The following NIBAN3 variants were observed in gnomAD, a reference collection of about 807,000 sequenced individuals.
The protein encoded by NIBAN3 is protein Niban 3.
A neutral mutation model predicts 76.4 loss-of-function variants in NIBAN3; 66 were observed. That is an observed-to-expected ratio of 0.86 (90% CI 0.71 to 1.06). NIBAN3 has a LOEUF of 1.06. Ranked by LOEUF, NIBAN3 falls within the 50% of genes least tolerant of loss-of-function variation. The probability of loss-of-function intolerance (pLI) is 0.00; values close to 1 mark genes in which losing one functional copy is unlikely to be tolerated. For missense variants in NIBAN3, 808 were observed against 810.7 expected (o/e 1.00, Z 0.04); for synonymous variants, 360 against 355.2 (o/e 1.01, Z -0.15).
downstream of NIBAN3, among the ~76,000 whole-genome samples, chr19:17,555,293 G>C (rs2144808759): frequency 1.3e-5 from 2 of 152,260 alleles, no homozygotes; most frequent in South Asian, 4.1e-4. Context: ...AGAGGAAACT[G>C]AGGCTAAGGT....
Position 17,546,732 on chromosome 19 carries a change from C to A in NIBAN3, c.1601C>A (p.Ala534Asp). 6.2e-7 allele frequency: 1 copy of A among 1,604,810 alleles called. No individual in the cohort carries two copies. ...GATGTCCTTGCCGTGGGCAGCCAGG[C>A]TCTGACCACTGAGGGCATCTATGAG... The part of the protein sequence containing the change: ...EGDVLAVGSQ[A>D]LTTEGIYEDV... Residue 534 changes from alanine (A) to aspartate (D), a missense_variant, in exon 13 of 15, where the codon GCT (alanine) becomes GAT (aspartate). By Grantham distance (126) the Ala-to-Asp change is moderately radical. Transcript: ENST00000599164.
intron 4 of NIBAN3, among the ~76,000 whole-genome samples, chr19:17,536,929 G>A (rs370129953): frequency 6.6e-6 from 1 of 152,082 alleles, no homozygotes; most frequent in South Asian, 2.1e-4. Flanking sequence ...TTGAGCTCAG[G>A]AGTTCAAGAC....
intron 4 of NIBAN3, 80 bp downstream of exon 4, chr19:17,533,781 T>TG: frequency 9.2e-7 from 1 of 1,086,974 alleles, no homozygotes; most frequent in South Asian, 1.3e-5. Flanking sequence ...TTCTCTGCGG[T>TG]GGGGGCGTCC....
upstream of NIBAN3, among the ~76,000 whole-genome samples, chr19:17,524,653 T>C (rs532115396): frequency 1.9e-4 from 29 of 152,330 alleles, no homozygotes; most frequent in African/African-American, 6.5e-4. Flanking sequence ...CATTCAGATA[T>C]TACTAGAGGC....
rs116966028 is a variant in NIBAN3 at position 17,550,640 on chromosome 19, C to T, written c.1750+1113C>T. Among the ~76,000 whole-genome samples, 1,252 of 152,122 alleles carry T rather than the reference C, an allele frequency of 8.2e-3. 8 individuals are homozygous for T. Among genetic ancestry groups the T allele is most frequent in the Non-Finnish European group, 0.013 (884 of 67,996 alleles). ...ATGATTGCACCACTGCCCTCTAGCCCGGGCCACAGAGAGAGACCCTGTCTC... is the reference window on the plus strand; with the variant it reads ...ATGATTGCACCACTGCCCTCTAGCCTGGGCCACAGAGAGAGACCCTGTCTC... On this transcript the variant is annotated intron_variant, in intron 14 of 14. Transcript: ENST00000599164.
chr19:17,534,529 C>T lies in NIBAN3; in HGVS notation c.427+828C>T, dbSNP rs189004287. 2.0e-3 allele frequency among the ~76,000 whole-genome samples: 305 copies of T among 151,442 alleles called. 1 individual carries two copies. The highest frequency in any genetic ancestry group is 6.5e-3 in the African/African-American group (268 of 41,248). ...AAGGTAGGCCGGGCGTGGTGGCTCA[C>T]GCCTGTAATCCCAGCACTTTGGGAG... is the stretch of plus-strand genomic sequence containing the variant. On this transcript the variant is annotated intron_variant, in intron 4 of 14. Coordinates refer to ENST00000599164, the MANE Select transcript of NIBAN3 (RefSeq NM_001321827.2).
chr19:17,550,146 C>T (rs910230562), intron 14 of NIBAN3, among the ~76,000 whole-genome samples: 2 of 152,032 alleles, frequency 1.3e-5, no homozygotes, highest in African/African-American at 2.4e-5. Flanking sequence ...AATCCTAGGA[C>T]TTAGGGGGCA....
intron 10 of NIBAN3, 105 bp from the exon 11 acceptor site, chr19:17,543,212 C>T (rs1251454261): frequency 1.4e-6 from 1 of 707,314 alleles, no homozygotes. Flanking sequence ...GCAGAGGTGG[C>T]TGGTTGGAAC....
intron 8 of NIBAN3, chr19:17,540,116 A>G (rs2075917789): frequency 3.9e-6 from 1 of 255,990 alleles, no homozygotes; most frequent in Admixed American, 5.8e-5. Flanking sequence ...AGCCGGGCCA[A>G]TGCGGGTGGG....
chr19:17,539,578 G>C, intron 7 of NIBAN3, 25 bp from the exon 8 acceptor site: 1 of 1,511,302 alleles, frequency 6.6e-7, no homozygotes, highest in Non-Finnish European at 8.9e-7. Context: ...TCTCGGCTTT[G>C]TCCCCCCTCG....
In NIBAN3 at chr19:17,550,843, CTTTTTTTTT is replaced by C. The variant is rs10690901; in HGVS notation, c.1751-928_1751-920del. On this transcript the variant is annotated intron_variant, in intron 14 of 14. Coordinates refer to ENST00000599164, the MANE Select transcript of NIBAN3 (RefSeq NM_001321827.2). ...GCCACAGGGATTAATCTTGTACATA[CTTTTTTTTT>C]TTTTTTTTTTTTTTCAAATGCAGGT... Among the ~76,000 whole-genome samples, 56 of 91,560 alleles carry C rather than the reference CTTTTTTTTT, an allele frequency of 6.1e-4. 1 individual carries two copies. Among genetic ancestry groups the C allele is most frequent in the Admixed American group, 5.1e-3 (31 of 6,032 alleles). 60.1% of individuals were successfully genotyped at this position (91,560 alleles called of 152,430 possible).
At chr19:17,547,228 C>T (rs1234851395) in intron 13 of NIBAN3, among the ~76,000 whole-genome samples, 1 of 151,464 alleles carries the variant, frequency 6.6e-6, no homozygotes, top group East Asian at 2.0e-4. Context: ...ATGGCACATG[C>T]CTGTAGTCCC....
chr19:17,526,749 C>G (rs1440481559), upstream of NIBAN3, among the ~76,000 whole-genome samples: 1 of 151,450 alleles, frequency 6.6e-6, no homozygotes, highest in East Asian at 1.9e-4. Flanking sequence ...AGCTTCAGTG[C>G]CCCCAAGTCT....
At chr19:17,537,200 C>T (rs372437176) in intron 4 of NIBAN3, among the ~76,000 whole-genome samples, 176 bp from the exon 5 acceptor site, 1 of 152,218 alleles carries the variant, frequency 6.6e-6, no homozygotes. Flanking sequence ...GTGACCCTGC[C>T]TCCCCCAAAA....
chr19:17,541,711 A>G (rs938618052), intron 9 of NIBAN3, among the ~76,000 whole-genome samples: 2 of 148,360 alleles, frequency 1.3e-5, no homozygotes, highest in Non-Finnish European at 3.0e-5. Flanking sequence ...TATTTTTGAG[A>G]CAGAGTCTCA....
chr19:17,554,521 C>T (rs1165928041), downstream of NIBAN3, among the ~76,000 whole-genome samples: 3 of 151,702 alleles, frequency 2.0e-5, no homozygotes, highest in East Asian at 1.9e-4. Context: ...CGGTGGCTCA[C>T]GCCTGTAATC....
chr19:17,547,777 C>T (rs2076086626), intron 13 of NIBAN3, among the ~76,000 whole-genome samples: 1 of 152,060 alleles, frequency 6.6e-6, no homozygotes, highest in Non-Finnish European at 1.5e-5. Flanking sequence ...AAGCCATTCT[C>T]CTGTCTCAGC....
chr19:17,549,739 A>C, intron 14 of NIBAN3: 1 of 624,260 alleles, frequency 1.6e-6, no homozygotes, highest in East Asian at 2.7e-5. Context: ...GGACCCTCTA[A>C]ACCCAGGCTC....
downstream of NIBAN3, among the ~76,000 whole-genome samples, chr19:17,554,980 G>A (rs2076200845): frequency 2.7e-5 from 4 of 150,580 alleles, no homozygotes; most frequent in South Asian, 8.4e-4. Flanking sequence ...TTGAAAATGC[G>A]GCTCTAGAGT....
Sources: gnomAD v4.1 joint callset for allele counts (sites outside exome capture counted in the v4.1 genomes callset) on GRCh38, gnomAD v4.1.1 for gene constraint, MANE v1.5 for transcripts, NCBI Gene and HGNC (gene_info 2026-07-23, HGNC 2026-07-21) for gene names.